Variants in ADGRL3 observed in about 807,000 individuals in gnomAD.
The protein encoded by ADGRL3 is adhesion G protein-coupled receptor L3, also known as calcium-independent alpha-latrotoxin receptor 3.
In ADGRL3, 62 loss-of-function variants were observed where a neutral mutation model predicts 153.5. The observed-to-expected ratio is 0.40, with a 90% CI of 0.33 to 0.50. The LOEUF is 0.50. ADGRL3 is among the 20% of genes least tolerant of loss of function. The probability of loss-of-function intolerance (pLI) is 0.47; values close to 1 mark genes in which losing one functional copy is unlikely to be tolerated. For synonymous variants in ADGRL3, 710 were observed against 672.5 expected (o/e 1.06, Z -0.86); for missense variants, 1,641 against 1,859.4 (o/e 0.88, Z 2.16).
intron 6 of ADGRL3, among the ~76,000 whole-genome samples, chr4:61,702,809 TTATATC>T (rs1248378219): frequency 3.3e-5 from 5 of 152,180 alleles, no homozygotes; most frequent in South Asian, 4.1e-4. Flanking sequence ...TTCTAAGCAC[TTATATC>T]TATATCTATA....
At chr4:61,634,136 GTTTAT>G (rs2093313527) in intron 5 of ADGRL3, among the ~76,000 whole-genome samples, 1 of 152,194 alleles carries the variant, frequency 6.6e-6, no homozygotes, top group East Asian at 1.9e-4. Flanking sequence ...ACAATCCTAA[GTTTAT>G]TTTATCTTTT....
Position 61,526,971 on chromosome 4 carries a change from G to A in ADGRL3, c.259+9453G>A, listed in dbSNP as rs1207419063. Among the ~76,000 whole-genome samples the A allele has an allele frequency of 3.3e-5, 5 of 152,058 alleles. No individual in the cohort carries two copies. The East Asian group carries it at 7.7e-4, about 24-fold the overall frequency. On this transcript the variant is annotated intron_variant, in intron 4 of 26. Transcript: ENST00000683033. The stretch of plus-strand genomic sequence containing the variant: ...AAAATTCAAAAATTACACTATGGCC[G>A]AAATATTTGTCATGAGTGATACATT...
intron 8 of ADGRL3, among the ~76,000 whole-genome samples, chr4:61,787,852 A>T (rs1411292586): frequency 6.6e-6 from 1 of 152,160 alleles, no homozygotes; most frequent in Non-Finnish European, 1.5e-5. Flanking sequence ...AATCCAGAAA[A>T]GGTTTAAGAT....
intron 2 of ADGRL3, among the ~76,000 whole-genome samples, chr4:61,398,490 T>C (rs1426233659): frequency 6.6e-6 from 1 of 151,728 alleles, no homozygotes; most frequent in East Asian, 1.9e-4. Flanking sequence ...GTATTTAAAA[T>C]CTTCAGCCAG....
At chr4:62,051,597 C>T (rs1734244033) in intron 25 of ADGRL3, among the ~76,000 whole-genome samples, 1 of 151,756 alleles carries the variant, frequency 6.6e-6, no homozygotes, top group East Asian at 1.9e-4. Context: ...CCAAGTAATC[C>T]AGTCTCTCAC....
chr4:61,254,792 A>G (rs1010738440), intron 1 of ADGRL3, among the ~76,000 whole-genome samples: 7 of 152,202 alleles, frequency 4.6e-5, no homozygotes, highest in Non-Finnish European at 7.4e-5. Flanking sequence ...TTCTCTGGTT[A>G]TCTGCACACT....
At position 61,787,391 on chromosome 4, in the gene ADGRL3, A is replaced by G. The variant is rs534036851; in HGVS notation, c.1400-26418A>G. On this transcript the variant is annotated intron_variant, in intron 8 of 26. Coordinates refer to ENST00000683033, the MANE Select transcript of ADGRL3 (RefSeq NM_001387552.1). Reference sequence around the variant, plus strand: ...TTAAAAAAAAAGCATAGGTACATATATGACAGTGATTTGGGAATGACTAAT... The same window carrying G: ...TTAAAAAAAAAGCATAGGTACATATGTGACAGTGATTTGGGAATGACTAAT... Among the ~76,000 whole-genome samples, 6 of 152,160 alleles carry G rather than the reference A, an allele frequency of 3.9e-5. No homozygotes were observed. The South Asian group carries it at 1.2e-3, about 32-fold the overall frequency.
intron 15 of ADGRL3, among the ~76,000 whole-genome samples, chr4:61,940,157 A>T (rs2098879280): frequency 3.3e-5 from 3 of 92,186 alleles, no homozygotes; most frequent in South Asian, 5.0e-4. Context: ...TTCAATTCCC[A>T]CCTATGAGTG....
intron 2 of ADGRL3, among the ~76,000 whole-genome samples, chr4:61,449,961 G>A (rs1038397795): frequency 6.6e-6 from 1 of 152,160 alleles, no homozygotes; most frequent in Admixed American, 6.5e-5. Flanking sequence ...ACTATAATGT[G>A]ATATTCTACT....
chr4:62,045,634 G>A (rs1409489615), intron 25 of ADGRL3, among the ~76,000 whole-genome samples: 1 of 151,740 alleles, frequency 6.6e-6, no homozygotes, highest in East Asian at 1.9e-4. Flanking sequence ...AAGTTAGAAC[G>A]GGCAGTGTCA....
chr4:61,975,156 G>T (rs2099043594), intron 17 of ADGRL3, among the ~76,000 whole-genome samples: 1 of 152,082 alleles, frequency 6.6e-6, no homozygotes, highest in African/African-American at 2.4e-5. Flanking sequence ...AAAATATATA[G>T]TTTAAGTAAG....
At chr4:61,834,474 C>T (rs1245910573) in intron 9 of ADGRL3, among the ~76,000 whole-genome samples, 4 of 152,240 alleles carry the variant, frequency 2.6e-5, no homozygotes, top group African/African-American at 7.2e-5. Context: ...GGTATACACC[C>T]AGTAACAGGA....
intron 23 of ADGRL3, among the ~76,000 whole-genome samples, chr4:62,035,140 C>T (rs1581989281): frequency 6.6e-6 from 1 of 151,934 alleles, no homozygotes; most frequent in East Asian, 1.9e-4. Flanking sequence ...CATATGCTTA[C>T]CATTTCAAAT....
chr4:61,372,135 A>AT (rs1417539689), intron 1 of ADGRL3, among the ~76,000 whole-genome samples: 8 of 151,730 alleles, frequency 5.3e-5, no homozygotes, highest in Non-Finnish European at 1.0e-4. Flanking sequence ...ATTCTTCTAA[A>AT]TTTTTTTGAA....
chr4:61,352,245 A>G (rs2096065109), intron 1 of ADGRL3, among the ~76,000 whole-genome samples: 1 of 152,202 alleles, frequency 6.6e-6, no homozygotes, highest in Non-Finnish European at 1.5e-5. Flanking sequence ...CTGAATTGCT[A>G]CAGTCTCCAC....
At chr4:61,702,407 C>G (rs560825545) in intron 6 of ADGRL3, among the ~76,000 whole-genome samples, 2 of 152,296 alleles carry the variant, frequency 1.3e-5, no homozygotes, top group African/African-American at 2.4e-5. Flanking sequence ...AGCTATACAA[C>G]TTTTGCACAT....
intron 17 of ADGRL3, among the ~76,000 whole-genome samples, chr4:61,976,214 A>T: frequency 6.6e-6 from 1 of 152,208 alleles, no homozygotes; most frequent in East Asian, 1.9e-4. Flanking sequence ...TAGTGTTCAC[A>T]AACATGCAAT....
chr4:62,071,045 C>CTTT lies in ADGRL3; in HGVS notation c.*147_*149dup. ...CTAAAGACAAACACAAACTCTCAGACTTTTTTTTTTTTAATGGGATTTTTA... is the reference window on the plus strand; with the variant it reads ...CTAAAGACAAACACAAACTCTCAGACTTTTTTTTTTTTTTTAATGGGATTTTTA... On this transcript the variant is annotated 3_prime_UTR_variant, in exon 27 of 27. Transcript: ENST00000683033. 7 of 606,272 alleles carry CTTT rather than the reference C, an allele frequency of 1.2e-5. No individual in the cohort carries two copies. The highest frequency in any genetic ancestry group is 3.4e-5 in the East Asian group (1 of 29,690). 37.6% of individuals were successfully genotyped at this position (606,272 alleles called of 1,614,324 possible). A position where few individuals can be genotyped will look rare whatever the true frequency, so the allele number is the denominator to read the frequency against.
rs188550972 is a variant in ADGRL3, at chr4:61,863,479, C to T, written c.1481-29177C>T. On this transcript the variant is annotated intron_variant, in intron 9 of 26. Transcript: ENST00000683033. ...GTCTCGATCTCCTGACCTCGTGATC[C>T]GCCCGCCTCGGCCTCCCAAAGTGCT... 6.6e-5 allele frequency among the ~76,000 whole-genome samples: 10 copies of T among 151,868 alleles called. 1 individual carries two copies. Among genetic ancestry groups the T allele is most frequent in the African/African-American group, 1.4e-4 (6 of 41,444 alleles).
Sources: gnomAD v4.1 joint callset for allele counts (sites outside exome capture counted in the v4.1 genomes callset) on GRCh38, gnomAD v4.1.1 for gene constraint, MANE v1.5 for transcripts, NCBI Gene and HGNC (gene_info 2026-07-23, HGNC 2026-07-21) for gene names.